Variants in SNX24 observed in about 807,000 individuals in gnomAD.
The protein encoded by SNX24 is sorting nexin-24.
SNX24 carries 22 observed loss-of-function variants against 28.7 expected under a neutral mutation model. The ratio of observed to expected loss-of-function variants is 0.77; its 90% CI spans 0.55 to 1.10. SNX24 has a LOEUF of 1.10. SNX24 is among the 50% of genes least tolerant of loss of function. The pLI, the probability that SNX24 is intolerant of heterozygous loss-of-function variation, is 0.00. For synonymous variants in SNX24, 69 were observed against 71.5 expected, an observed-to-expected ratio of 0.96 and a Z score of 0.18; for missense variants, 221 against 201.1, an observed-to-expected ratio of 1.10 and a Z score of -0.60.
intron 1 of SNX24, among the ~76,000 whole-genome samples, chr5:122,914,819 C>T (rs1212401934): frequency 1.3e-5 from 2 of 152,086 alleles, no homozygotes; most frequent in African/African-American, 4.8e-5. Flanking sequence ...AGCGGTCTAT[C>T]AATTTTGTTG....
At chr5:122,906,862 A>T (rs1421036828) in intron 1 of SNX24, among the ~76,000 whole-genome samples, 7 of 152,160 alleles carry the variant, frequency 4.6e-5, no homozygotes, top group Middle Eastern at 3.4e-3. Context: ...AAGTGAAGTA[A>T]CTTGTTGGCC....
chr5:122,867,961 A>C (rs373391812), intron 1 of SNX24, among the ~76,000 whole-genome samples: 2 of 152,196 alleles, frequency 1.3e-5, no homozygotes, highest in East Asian at 3.9e-4. Flanking sequence ...GTTTACAATC[A>C]AATGTACTGC....
At chr5:122,987,138 C>T (rs1032932782) in intron 3 of SNX24, among the ~76,000 whole-genome samples, 1 of 151,708 alleles carries the variant, frequency 6.6e-6, no homozygotes, top group Admixed American at 6.6e-5. Context: ...AAGTGTGAAG[C>T]GTGGTTATCA....
intron 1 of SNX24, among the ~76,000 whole-genome samples, chr5:122,880,035 T>G (rs75965919): frequency 0.035 from 5,264 of 152,344 alleles, 138 homozygotes; most frequent in Non-Finnish European, 0.051. Context: ...AGGACTCGTT[T>G]ATGGAATGTT....
chr5:122,970,711 G>A (rs1328673664), intron 3 of SNX24, among the ~76,000 whole-genome samples: 7 of 152,208 alleles, frequency 4.6e-5, no homozygotes, highest in Admixed American at 6.5e-5. Context: ...CTCGTGATCC[G>A]CCCGTCTTGG....
At chr5:122,848,879 C>G (rs1754772882) in intron 1 of SNX24, among the ~76,000 whole-genome samples, 1 of 152,058 alleles carries the variant, frequency 6.6e-6, no homozygotes, top group Non-Finnish European at 1.5e-5. Flanking sequence ...GTGCTGTGAG[C>G]ACATACTTTT....
intron 1 of SNX24, among the ~76,000 whole-genome samples, chr5:122,853,170 A>AGGCTG (rs1256181522): frequency 8.7e-6 from 1 of 114,484 alleles, no homozygotes; most frequent in East Asian, 2.9e-4. Flanking sequence ...TCTGTTGCCC[A>AGGCTG]GGCTGGAATG....
At chr5:123,027,806 A>G (rs1294862650) in intron 5 of SNX24, among the ~76,000 whole-genome samples, 2 of 152,238 alleles carry the variant, frequency 1.3e-5, no homozygotes, top group African/African-American at 2.4e-5. Context: ...AAAATCTTAA[A>G]TCTAAAGTAA....
intron 3 of SNX24, among the ~76,000 whole-genome samples, chr5:122,970,978 G>C (rs1441199087): frequency 6.6e-6 from 1 of 152,196 alleles, no homozygotes; most frequent in Non-Finnish European, 1.5e-5. Flanking sequence ...ATGAAGAGCA[G>C]TTTATTAAGA....
intron 1 of SNX24, among the ~76,000 whole-genome samples, chr5:122,894,363 T>C (rs1180419712): frequency 1.3e-5 from 2 of 152,108 alleles, no homozygotes; most frequent in African/African-American, 4.8e-5. Flanking sequence ...GTTATATATG[T>C]CCCTTGTTTT....
At chr5:122,974,627 G>C (rs957585496) in intron 3 of SNX24, among the ~76,000 whole-genome samples, 1 of 152,180 alleles carries the variant, frequency 6.6e-6, no homozygotes, top group Non-Finnish European at 1.5e-5. Context: ...TTACCACTTG[G>C]CTAAGCTTAT....
chr5:122,957,295 T>A (rs752241015), intron 3 of SNX24, among the ~76,000 whole-genome samples: 5 of 152,230 alleles, frequency 3.3e-5, no homozygotes, highest in Non-Finnish European at 5.9e-5. Context: ...TTGAATGATC[T>A]TGGCACTCTT....
chr5:123,022,304 T>G (rs1392055973), intron 5 of SNX24: 2 of 152,164 alleles, frequency 1.3e-5, no homozygotes, highest in Non-Finnish European at 2.9e-5. Context: ...GCAATTTTTT[T>G]AGAATACAAC....
chr5:122,910,827 C>A (rs952338701), intron 1 of SNX24, among the ~76,000 whole-genome samples: 1 of 152,010 alleles, frequency 6.6e-6, no homozygotes, highest in Admixed American at 6.6e-5. Context: ...CTTAGTATTC[C>A]ATGGTGTATA....
At chr5:122,982,837 T>A (rs901831084) in intron 3 of SNX24, among the ~76,000 whole-genome samples, 55 of 152,194 alleles carry the variant, frequency 3.6e-4, no homozygotes, top group Non-Finnish European at 6.5e-4. Context: ...ATTAAGTCTG[T>A]CCATAGATTT....
downstream of SNX24, among the ~76,000 whole-genome samples, chr5:123,011,036 A>G (rs946097885): frequency 6.6e-6 from 1 of 152,126 alleles, no homozygotes. Flanking sequence ...CAGGTTGTGC[A>G]TTGCACAAGT....
At chr5:122,892,400 A>G (rs1311013750) in intron 1 of SNX24, among the ~76,000 whole-genome samples, 3 of 151,392 alleles carry the variant, frequency 2.0e-5, no homozygotes, top group African/African-American at 7.3e-5. Flanking sequence ...AAAATGCTGC[A>G]TTTTCTACCT....
chr5:122,869,694 ATTATT>A, intron 1 of SNX24, among the ~76,000 whole-genome samples: 1 of 152,288 alleles, frequency 6.6e-6, no homozygotes, highest in Admixed American at 6.5e-5. Flanking sequence ...ATTGGAATAT[ATTATT>A]GCTACGCTTT....
intron 1 of SNX24, among the ~76,000 whole-genome samples, chr5:122,854,776 G>C (rs950690224): frequency 2.0e-5 from 3 of 152,226 alleles, no homozygotes; most frequent in South Asian, 2.1e-4. Flanking sequence ...GATATTGTGA[G>C]TTTGGTTCCA....
Sources: gnomAD v4.1 joint callset for allele counts (sites outside exome capture counted in the v4.1 genomes callset) on GRCh38, gnomAD v4.1.1 for gene constraint, MANE v1.5 for transcripts, NCBI Gene and HGNC (gene_info 2026-07-23, HGNC 2026-07-21) for gene names.